Variants in RNF14 observed in about 807,000 individuals in gnomAD.
The protein encoded by RNF14 is ring finger protein 14.
Under a neutral mutation model 52.6 loss-of-function variants are expected in RNF14, and 26 were observed. The observed-to-expected ratio is 0.49, with a 90% CI of 0.36 to 0.69. RNF14 has a LOEUF of 0.69. RNF14 is among the 30% of genes least tolerant of loss of function. The pLI, the probability that RNF14 is intolerant of heterozygous loss-of-function variation, is 0.00. For synonymous variants in RNF14, 194 were observed against 202.0 expected (o/e 0.96, Z 0.34); for missense variants, 404 against 560.4 (o/e 0.72, Z 2.82).
upstream of RNF14, among the ~76,000 whole-genome samples, chr5:141,966,616 CTG>C (rs1753355562): frequency 6.6e-6 from 1 of 152,196 alleles, no homozygotes; most frequent in South Asian, 2.1e-4. Flanking sequence ...ACACAAAAGT[CTG>C]TTATTTTCCT....
chr5:141,956,618 A>G (rs768679066), upstream of RNF14: 3 of 1,614,236 alleles, frequency 1.9e-6, no homozygotes, highest in Non-Finnish European at 2.5e-6. Flanking sequence ...TTGGTTAGCA[A>G]CATGTATGTG....
intron 4 of RNF14, among the ~76,000 whole-genome samples, 192 bp from the exon 5 acceptor site, chr5:141,978,111 C>T (rs143635131): frequency 2.3e-3 from 351 of 151,416 alleles, no homozygotes; most frequent in African/African-American, 8.0e-3. Flanking sequence ...CTCATGTTGC[C>T]GAATAGTTTA....
At chr5:141,972,317 C>G (rs1753854104) in intron 2 of RNF14, among the ~76,000 whole-genome samples, 1 of 151,764 alleles carries the variant, frequency 6.6e-6, no homozygotes, top group Non-Finnish European at 1.5e-5. Flanking sequence ...GCAGCCTCGA[C>G]CTCCCAGGCT....
intron 2 of RNF14, among the ~76,000 whole-genome samples, chr5:141,972,205 C>T (rs907625517): frequency 3.3e-5 from 5 of 151,008 alleles, no homozygotes; most frequent in African/African-American, 1.2e-4. Flanking sequence ...CAACCCCCAT[C>T]CTGCCCCAGG....
chr5:141,960,941 G>C (rs1753270340), intron 1 of RNF14, among the ~76,000 whole-genome samples: 2 of 152,148 alleles, frequency 1.3e-5, no homozygotes, highest in Admixed American at 1.3e-4. Flanking sequence ...ACAGAGGCAG[G>C]GACCGGGGAC....
At chr5:141,973,229 G>A (rs896644310) in intron 2 of RNF14, among the ~76,000 whole-genome samples, 5 of 143,882 alleles carry the variant, frequency 3.5e-5, no homozygotes, top group African/African-American at 1.0e-4. Flanking sequence ...CCACCTCTGT[G>A]CATTTTCTTT....
upstream of RNF14, chr5:141,957,768 G>T (rs2126931454): frequency 1.2e-6 from 2 of 1,611,034 alleles, no homozygotes; most frequent in Non-Finnish European, 1.7e-6. This position sits in a 1 kb window ranked among gnomAD's most constrained non-coding sequence, Gnocchi z 4.3. Context: ...CCGTGAGAGT[G>T]GTCACCTCCT....
At chr5:141,961,899 G>A (rs1426134782), upstream of RNF14, among the ~76,000 whole-genome samples, 2 of 152,142 alleles carry the variant, frequency 1.3e-5, no homozygotes, top group African/African-American at 2.4e-5. Context: ...TGTCCCGCTG[G>A]GCTGGCTGCC....
chr5:141,978,305 A>C lies in RNF14; in HGVS notation c.309A>C (p.Leu103=), dbSNP rs763956128. 1.5e-5 allele frequency: 24 copies of C among 1,574,000 alleles called. No homozygotes were observed. The highest frequency in any genetic ancestry group is 2.0e-5 in the Non-Finnish European group (23 of 1,157,972). Reference sequence around the variant, plus strand: ...CATCTTCATGTGTTTTCTCCTAGCTATCTGCTCTATGCAAGCACTTAGACA... The same window carrying C: ...CATCTTCATGTGTTTTCTCCTAGCTCTCTGCTCTATGCAAGCACTTAGACA... ...LSGKWLSPTQ[L]SALCKHLDNL... Residue 103 remains leucine, a splice_region_variant and synonymous_variant, in exon 5 of 9, where the codon CTA becomes CTC. Transcript: ENST00000394520.
Position 141,978,618 on chromosome 5 carries a change from C to T in RNF14, c.622C>T (p.Gln208Ter). 1 of 1,614,006 alleles carries T rather than the reference C, an allele frequency of 6.2e-7. No homozygotes were observed. ...IQEILDFDQA[Q>*]QIKCFNSKLF... The stretch of plus-strand genomic sequence containing the variant: ...GGAAATCTTGGACTTTGATCAAGCT[C>T]AGCAGATAAAATGCTTTAATAGTAA... Residue 208 changes from glutamine to a stop codon, truncating the protein, a stop_gained, in exon 5 of 9, where the codon CAG becomes TAG. Coordinates refer to ENST00000394520, the MANE Select transcript of RNF14 (RefSeq NM_004290.5). LOFTEE classifies it high-confidence loss of function.
At chr5:141,951,483 T>A in the RNF14 span, 1 of 1,611,556 alleles carries the variant, frequency 6.2e-7, no homozygotes, top group Non-Finnish European at 8.5e-7. Flanking sequence ...GGGGGCTACG[T>A]GCTGCTTACC....
At chr5:141,952,807 A>G in the RNF14 span, 2 of 152,254 alleles carry the variant, frequency 1.3e-5, no homozygotes, top group African/African-American at 4.8e-5. Context: ...CCTCTGCAAA[A>G]GCAAGGAGTT....
intron 8 of RNF14, 112 bp downstream of exon 8, chr5:141,985,045 A>T: frequency 1.0e-6 from 1 of 987,192 alleles, no homozygotes; most frequent in South Asian, 1.8e-5. Context: ...GAATTCTCTT[A>T]CATGTTTTCC....
At chr5:141,949,390 T>TG in the RNF14 span, 55 of 1,579,918 alleles carry the variant, frequency 3.5e-5, no homozygotes, top group Middle Eastern at 3.6e-4. Flanking sequence ...TTGGACACCA[T>TG]GGGGCAGAAG....
upstream of RNF14, among the ~76,000 whole-genome samples, chr5:141,962,779 A>C (rs1352392611): frequency 6.6e-6 from 1 of 152,242 alleles, no homozygotes; most frequent in Non-Finnish European, 1.5e-5. Context: ...ACATGGACCC[A>C]AAACTGGACC....
upstream of RNF14, chr5:141,957,784 T>G (rs1207740343): frequency 6.2e-7 from 1 of 1,607,870 alleles, no homozygotes; most frequent in Non-Finnish European, 8.5e-7. This position sits in a 1 kb window ranked among gnomAD's most constrained non-coding sequence, Gnocchi z 4.3. Flanking sequence ...CTCCTGACAA[T>G]CCCCTAAAAG....
chr5:141,957,893 C>A (rs1472209889), upstream of RNF14: 3 of 1,564,570 alleles, frequency 1.9e-6, no homozygotes, highest in South Asian at 2.4e-5. The surrounding 1 kb of genome is among the most constrained non-coding windows in gnomAD (Gnocchi z 4.3). Context: ...CACTAGAGTT[C>A]TTTCAAGGCT....
rs1196632050 is a variant in RNF14 at position 141,989,183 on chromosome 5, AT to A, written c.*1395del. On this transcript the variant is annotated 3_prime_UTR_variant, in exon 9 of 9. Transcript: ENST00000394520. ...AAATAAATTTAAAAATCATCTTATA[AT>A]TAGAACAGAGTTGCTGCTATTTGTT... 2 of 152,320 alleles carry A rather than the reference AT, an allele frequency of 1.3e-5. No homozygotes were observed. The highest frequency in any genetic ancestry group is 2.9e-5 in the Non-Finnish European group (2 of 68,032). 9.4% of individuals were successfully genotyped at this position (152,320 alleles called of 1,614,324 possible).
intron 1 of RNF14, among the ~76,000 whole-genome samples, chr5:141,961,244 T>C (rs1400686858): frequency 6.6e-6 from 1 of 152,164 alleles, no homozygotes; most frequent in Admixed American, 6.5e-5. Context: ...ACTGGGAATG[T>C]GAATGCAAAA....
Sources: gnomAD v4.1 joint callset for allele counts (sites outside exome capture counted in the v4.1 genomes callset) on GRCh38, gnomAD v4.1.1 for gene constraint, Gnocchi (gnomAD v3.1) non-coding constraint, MANE v1.5 for transcripts, NCBI Gene and HGNC (gene_info 2026-07-23, HGNC 2026-07-21) for gene names.